The following TFRC variants were observed in gnomAD, a reference collection of about 807,000 sequenced individuals.
TFRC encodes the protein transferrin receptor protein 1.
In TFRC, 35 loss-of-function variants were observed where a neutral mutation model predicts 85.8. The ratio of observed to expected loss-of-function variants is 0.41; its 90% confidence interval spans 0.31 to 0.54. The LOEUF is 0.54. Among genes scored for constraint, TFRC ranks in the 20% least tolerant of loss-of-function variants. The pLI, the probability that TFRC is intolerant of heterozygous loss-of-function variation, is 0.31. For missense variants in TFRC, 828 were observed against 921.5 expected (o/e 0.90, Z 1.31); for synonymous variants, 362 against 328.6 (o/e 1.10, Z -1.10).
intron 1 of TFRC, among the ~76,000 whole-genome samples, chr3:196,081,038 G>C (rs751604817): frequency 6.6e-6 from 1 of 152,162 alleles, no homozygotes; most frequent in African/African-American, 2.4e-5. Context: ...AGTAAGCAGA[G>C]GGAAAGCGTT....
intron 7 of TFRC, among the ~76,000 whole-genome samples, chr3:196,068,610 C>CAAAAAAAAAAAAAA (rs55807772): frequency 4.8e-5 from 2 of 41,834 alleles, no homozygotes; most frequent in African/African-American, 1.1e-4. Flanking sequence ...AACTCCCTCT[C>CAAAAAAAAAAAAAA]AAAAAAAAAA....
chr3:196,062,545 C>T (rs776705248), intron 13 of TFRC, 37 bp downstream of exon 13: 8 of 1,583,420 alleles, frequency 5.1e-6, no homozygotes, highest in African/African-American at 1.4e-5. Context: ...AAAAAGTTTA[C>T]CTGAATTCAT....
chr3:196,067,473 T>C (rs1437317448), intron 9 of TFRC, 45 bp downstream of exon 9: 4 of 1,575,128 alleles, frequency 2.5e-6, no homozygotes, highest in Non-Finnish European at 3.5e-6. Context: ...TCTTCCCTAA[T>C]CATAAAACCT....
At chr3:196,061,058 T>G (rs541418533) in intron 13 of TFRC, among the ~76,000 whole-genome samples, 2 of 152,280 alleles carry the variant, frequency 1.3e-5, no homozygotes, top group East Asian at 3.9e-4. Flanking sequence ...AACTCTTTCC[T>G]TTTTTCCCCC....
intron 10 of TFRC, 66 bp from the exon 11 acceptor site, chr3:196,064,494 G>A (rs1717553253): frequency 1.4e-6 from 2 of 1,468,770 alleles, no homozygotes; most frequent in South Asian, 2.8e-5. Flanking sequence ...TCTAGAATTA[G>A]CACATCAGTA....
At position 196,060,167 on chromosome 3, in the gene TFRC, G is replaced by C. The variant is rs1006666823; in HGVS notation, c.1536+13C>G. On this transcript the variant is annotated intron_variant, in intron 14 of 18. Transcript: ENST00000360110. ...ATTAAGTCATACATTTTTGTAATGA[G>C]GTATATACTCACATTTTGCATTGTT... 1 of 1,609,008 alleles carries C rather than the reference G, an allele frequency of 6.2e-7. No homozygotes were observed. The highest frequency in any genetic ancestry group is 1.1e-5 in the South Asian group (1 of 90,586).
chr3:196,071,736 T>A (rs1023951484), intron 5 of TFRC, among the ~76,000 whole-genome samples: 1 of 152,172 alleles, frequency 6.6e-6, no homozygotes, highest in Non-Finnish European at 1.5e-5. Context: ...CCATCCCACC[T>A]CTACTAAAAA....
intron 1 of TFRC, among the ~76,000 whole-genome samples, chr3:196,078,867 C>T (rs1263322389): frequency 6.6e-6 from 1 of 151,404 alleles, no homozygotes; most frequent in Admixed American, 6.6e-5. Context: ...CTCCCCCTCC[C>T]GGGTTCAAGC....
At chr3:196,074,592 C>G (rs990704343) in intron 3 of TFRC, among the ~76,000 whole-genome samples, 16 of 152,160 alleles carry the variant, frequency 1.1e-4, no homozygotes, top group Non-Finnish European at 1.5e-4. Flanking sequence ...CTTAAAAAGG[C>G]ATAAAGTGGA....
Position 196,058,294 on chromosome 3 carries a change from CAGAA to C in TFRC, c.1663_1666del (p.Phe555ValfsTer21), listed in dbSNP as rs1170583400. 2 of 1,613,702 alleles carry C rather than the reference CAGAA, an allele frequency of 1.2e-6. No individual in the cohort carries two copies. Among genetic ancestry groups the C allele is most frequent in the African/African-American group, 1.3e-5 (1 of 74,892 alleles). ...AATGAACAGACTTACCTCGCAAAAA[CAGAA>C]AGAAACTGCTGGGATTCCAGAATAT... On this transcript the variant is annotated frameshift_variant, in exon 16 of 19. Coordinates refer to ENST00000360110, the MANE Select transcript of TFRC (RefSeq NM_001128148.3). LOFTEE classifies it high-confidence loss of function.
At chr3:196,077,902 G>A (rs1034163193) in intron 1 of TFRC, among the ~76,000 whole-genome samples, 2 of 152,058 alleles carry the variant, frequency 1.3e-5, no homozygotes, top group Non-Finnish European at 2.9e-5. Context: ...CAAGTGATTC[G>A]ATCTTTGACA....
At chr3:196,058,459 G>A (rs1717001657) in intron 15 of TFRC, 94 bp from the exon 16 acceptor site, 1 of 1,479,706 alleles carries the variant, frequency 6.8e-7, no homozygotes. Context: ...TTCTTTAGCT[G>A]AATATCTTTA....
chr3:196,067,268 T>C (rs1687098603), intron 9 of TFRC, among the ~76,000 whole-genome samples: 1 of 152,248 alleles, frequency 6.6e-6, no homozygotes. Flanking sequence ...ATGCCAGGAA[T>C]CTTGCACAAG....
intron 9 of TFRC, 60 bp from the exon 10 acceptor site, chr3:196,065,660 T>TG (rs1717677814): frequency 1.3e-6 from 2 of 1,507,590 alleles, no homozygotes; most frequent in African/African-American, 1.4e-5. Flanking sequence ...GGTTTACTCC[T>TG]GTCCAGTGAA....
chr3:196,057,181 C>G (rs182418191), intron 16 of TFRC, among the ~76,000 whole-genome samples: 3 of 152,224 alleles, frequency 2.0e-5, no homozygotes, highest in Non-Finnish European at 4.4e-5. Flanking sequence ...CAGAGGTGGA[C>G]AGCCCAGCGC....
intron 10 of TFRC, among the ~76,000 whole-genome samples, chr3:196,065,099 C>A (rs1029671368): frequency 1.3e-5 from 2 of 151,788 alleles, no homozygotes; most frequent in African/African-American, 4.8e-5. Context: ...CCTGTCTCTA[C>A]TAAAAATACA....
At position 196,050,017 on chromosome 3, in the gene TFRC, T is replaced by C. The variant is rs1399982468; in HGVS notation, c.*1925A>G. 4.3e-5 allele frequency: 10 copies of C among 231,122 alleles called. No individual in the cohort carries two copies. The highest frequency in any genetic ancestry group is 6.9e-5 in the Non-Finnish European group (8 of 116,778). The allele number at this position is 231,122 out of a possible 1,614,324, so 14.3% of individuals were successfully genotyped here. On this transcript the variant is annotated 3_prime_UTR_variant, in exon 19 of 19. Coordinates refer to ENST00000360110, the MANE Select transcript of TFRC (RefSeq NM_001128148.3). ...CGAACTTATTCATACCTACATTTAA[T>C]TGATCACCACGAATGGGTAGGCAGA...
At chr3:196,065,779 CAGG>C in intron 9 of TFRC, among the ~76,000 whole-genome samples, 179 bp from the exon 10 acceptor site, 1 of 152,006 alleles carries the variant, frequency 6.6e-6, no homozygotes, top group East Asian at 1.9e-4. Flanking sequence ...ATCACAAGGT[CAGG>C]AGTTCAAGAC....
At chr3:196,059,907 C>G (rs1182277119) in intron 14 of TFRC, among the ~76,000 whole-genome samples, 4 of 152,172 alleles carry the variant, frequency 2.6e-5, no homozygotes, top group African/African-American at 9.7e-5. Context: ...AGCATTGTGA[C>G]TCTATAGACA....
Sources: gnomAD v4.1 joint callset for allele counts (sites outside exome capture counted in the v4.1 genomes callset) on GRCh38, gnomAD v4.1.1 for gene constraint, MANE v1.5 for transcripts, NCBI Gene and HGNC (gene_info 2026-07-23, HGNC 2026-07-21) for gene names.